TOM1L2: variants seen among roughly 807,000 people sequenced by gnomAD.
The protein encoded by TOM1L2 is target of myb1 like 2 membrane trafficking protein, also known as TOM1-like protein 2.
TOM1L2 carries 31 observed loss-of-function variants against 67.9 expected under a neutral mutation model. The observed-to-expected ratio is 0.46, with a 90% CI of 0.34 to 0.62. The LOEUF is 0.62. Among genes scored for constraint, TOM1L2 ranks in the 20% least tolerant of loss-of-function variants. TOM1L2 has a pLI of 0.01. For synonymous variants in TOM1L2, 256 were observed against 254.0 expected (o/e 1.01, Z -0.07); for missense variants, 606 against 663.5 (o/e 0.91, Z 0.95).
At chr17:17,896,221 C>T (rs990729725) in intron 3 of TOM1L2, among the ~76,000 whole-genome samples, 22 of 152,130 alleles carry the variant, frequency 1.4e-4, no homozygotes, top group Non-Finnish European at 2.4e-4. Context: ...CTCTAGGATT[C>T]TCTAAAACCT....
Position 17,959,256 on chromosome 17 carries a change from G to A in TOM1L2, c.52+13006C>T, listed in dbSNP as rs185737836. On this transcript the variant is annotated intron_variant, in intron 1 of 14. Coordinates refer to ENST00000379504, the MANE Select transcript of TOM1L2 (RefSeq NM_001082968.2). Reference sequence around the variant, plus strand: ...ATGTGAAGTGGGGGCAGTCTTGTGGGACTGAGCCCTTAACCTCTGGGGTCC... The same window carrying A: ...ATGTGAAGTGGGGGCAGTCTTGTGGAACTGAGCCCTTAACCTCTGGGGTCC... Among the ~76,000 whole-genome samples, 7 of 152,282 alleles carry A rather than the reference G, an allele frequency of 4.6e-5. 1 individual carries two copies. Among genetic ancestry groups the A allele is most frequent in the Middle Eastern group, 6.8e-3 (2 of 294 alleles).
intron 1 of TOM1L2, among the ~76,000 whole-genome samples, chr17:17,923,422 C>T (rs903771757): frequency 4.6e-5 from 7 of 151,898 alleles, no homozygotes; most frequent in Non-Finnish European, 7.4e-5. Flanking sequence ...AACAAAACAA[C>T]AACAACAACA....
In TOM1L2 at chr17:17,862,561, T is replaced by G. The variant is rs1171031510; in HGVS notation, c.1202+170A>C. 3 of 621,276 alleles carry G rather than the reference T, an allele frequency of 4.8e-6. No homozygotes were observed. The African/African-American group carries it at 5.6e-5, about 12-fold the overall frequency. 38.5% of individuals were successfully genotyped at this position (621,276 alleles called of 1,614,324 possible). A position where few individuals can be genotyped will look rare whatever the true frequency, so the allele number is the denominator to read the frequency against. On this transcript the variant is annotated intron_variant, in intron 11 of 14. Transcript: ENST00000379504. ...GGGGGGTGGGGGAGGAGGTGGGCAGTTGGTATTTATTCAGTATCTGCATCT... is the reference window on the plus strand; with the variant it reads ...GGGGGGTGGGGGAGGAGGTGGGCAGGTGGTATTTATTCAGTATCTGCATCT...
At chr17:17,905,393 A>G (rs1316163308) in intron 2 of TOM1L2, among the ~76,000 whole-genome samples, 1 of 152,028 alleles carries the variant, frequency 6.6e-6, no homozygotes, top group East Asian at 1.9e-4. Context: ...CAGGCCCCAA[A>G]CCTTGCAATT....
chr17:17,862,679 G>C, intron 11 of TOM1L2, 52 bp downstream of exon 11: 1 of 1,468,364 alleles, frequency 6.8e-7, no homozygotes, highest in South Asian at 1.2e-5. Flanking sequence ...GACCAGGCAT[G>C]GGTCAATCCC....
At chr17:17,903,117 G>A (rs2144354002) in intron 2 of TOM1L2, among the ~76,000 whole-genome samples, 1 of 152,150 alleles carries the variant, frequency 6.6e-6, no homozygotes, top group African/African-American at 2.4e-5. Context: ...AAGTCCCAAG[G>A]CTGACCACTG....
chr17:17,884,922 G>A (rs1378228216), intron 4 of TOM1L2, among the ~76,000 whole-genome samples, 154 bp from the exon 5 acceptor site: 3 of 152,142 alleles, frequency 2.0e-5, no homozygotes, highest in Non-Finnish European at 2.9e-5. Flanking sequence ...CTCTCCTTCC[G>A]CAACTGCTGC....
chr17:17,944,571 G>A (rs1398848939), intron 1 of TOM1L2, among the ~76,000 whole-genome samples: 1 of 152,218 alleles, frequency 6.6e-6, no homozygotes, highest in Non-Finnish European at 1.5e-5. Context: ...ATCTGCTCTT[G>A]GGTGGGGAAA....
At chr17:17,865,487 C>G (rs1174634390) in intron 10 of TOM1L2, among the ~76,000 whole-genome samples, 4 of 151,854 alleles carry the variant, frequency 2.6e-5, no homozygotes, top group Non-Finnish European at 5.9e-5. Flanking sequence ...AGCAATTCTC[C>G]TGCTTCAGCC....
chr17:17,882,910 T>G (rs754305360), intron 5 of TOM1L2, 47 bp from the exon 6 acceptor site: 3 of 1,605,670 alleles, frequency 1.9e-6, no homozygotes, highest in Non-Finnish European at 2.6e-6. Context: ...GCTGCCTGCA[T>G]AGCTGGACCT....
At chr17:17,894,204 C>G (rs1224268108) in intron 3 of TOM1L2, among the ~76,000 whole-genome samples, 1 of 152,200 alleles carries the variant, frequency 6.6e-6, no homozygotes, top group Non-Finnish European at 1.5e-5. Context: ...GGCTCTGTCA[C>G]AAGAGGAGGC....
intron 12 of TOM1L2, chr17:17,851,156 C>G (rs2035953454): frequency 1.8e-6 from 1 of 570,658 alleles, no homozygotes; most frequent in Admixed American, 2.9e-5. Context: ...CAATGAGGTG[C>G]AAATGATAAG....
Position 17,913,100 on chromosome 17 carries a change from T to G in TOM1L2, c.53-5569A>C, listed in dbSNP as rs2039467243. 2.0e-5 allele frequency among the ~76,000 whole-genome samples: 3 copies of G among 151,238 alleles called. No homozygotes were observed. The South Asian group carries it at 6.3e-4, about 32-fold the overall frequency. ...CACTCGGCAGGCTGAGGCAGGAGAA[T>G]CAGGCAGGGAGGTTGCAGTGAGCCG... On this transcript the variant is annotated intron_variant, in intron 1 of 14. Transcript: ENST00000379504.
intron 1 of TOM1L2, 101 bp downstream of exon 1, chr17:17,972,161 C>T: frequency 6.9e-7 from 1 of 1,444,620 alleles, no homozygotes; most frequent in South Asian, 1.2e-5. Context: ...AGGCCCAGCC[C>T]GCTCGTGAAG....
intron 1 of TOM1L2, among the ~76,000 whole-genome samples, chr17:17,912,397 C>G (rs1435986299): frequency 1.3e-5 from 2 of 149,830 alleles, no homozygotes; most frequent in East Asian, 4.0e-4. Context: ...GACGGGGCGG[C>G]TGCTGGGCAG....
intron 1 of TOM1L2, among the ~76,000 whole-genome samples, chr17:17,946,955 C>T (rs915003832): frequency 6.6e-6 from 1 of 152,194 alleles, no homozygotes; most frequent in African/African-American, 2.4e-5. Context: ...GAGCTCCTGA[C>T]CTCAAGTGAT....
chr17:17,889,084 G>A (rs542197595), intron 4 of TOM1L2, among the ~76,000 whole-genome samples: 8 of 152,180 alleles, frequency 5.3e-5, no homozygotes, highest in African/African-American at 7.2e-5. Flanking sequence ...CCTGTGGTGC[G>A]GGTAAGCCGA....
At chr17:17,913,755 C>G (rs933457551) in intron 1 of TOM1L2, among the ~76,000 whole-genome samples, 1 of 152,302 alleles carries the variant, frequency 6.6e-6, no homozygotes, top group South Asian at 2.1e-4. Flanking sequence ...CCTTTGAACC[C>G]TTCCCCAGTA....
chr17:17,862,938 G>T, intron 10 of TOM1L2, 90 bp from the exon 11 acceptor site: 3 of 676,278 alleles, frequency 4.4e-6, no homozygotes, highest in Non-Finnish European at 2.5e-6. Context: ...CGCCAGCCAG[G>T]TGGGTTTAGG....
Sources: gnomAD v4.1 joint callset for allele counts (sites outside exome capture counted in the v4.1 genomes callset) on GRCh38, gnomAD v4.1.1 for gene constraint, MANE v1.5 for transcripts, NCBI Gene and HGNC (gene_info 2026-07-23, HGNC 2026-07-21) for gene names.